Variants in CEPT1 observed in about 807,000 individuals in gnomAD.
CEPT1 encodes choline/ethanolamine phosphotransferase 1, also known as choline/ethanolaminephosphotransferase 1.
CEPT1 carries 7 observed loss-of-function variants against 42.6 expected under a neutral mutation model. The ratio of observed to expected loss-of-function variants is 0.16; its 90% CI spans 0.09 to 0.31. The LOEUF is 0.31. Ranked by LOEUF, CEPT1 falls within the 10% of genes least tolerant of loss-of-function variation. CEPT1 has a pLI of 1.00. For missense variants in CEPT1, 306 were observed against 502.1 expected (o/e 0.61, Z 3.73); for synonymous variants, 171 against 171.9 (o/e 0.99, Z 0.04).
chr1:111,153,364 A>G (rs1655389276), intron 2 of CEPT1, among the ~76,000 whole-genome samples: 1 of 152,150 alleles, frequency 6.6e-6, no homozygotes, highest in South Asian at 2.1e-4. Flanking sequence ...ATACACCGCC[A>G]TACCTGGGTA....
At chr1:111,157,592 A>G (rs1445889896) in intron 2 of CEPT1, among the ~76,000 whole-genome samples, 2 of 152,394 alleles carry the variant, frequency 1.3e-5, no homozygotes, top group East Asian at 3.8e-4. Flanking sequence ...CCCAAAGTCC[A>G]GAAGACAGAG....
At position 111,159,537 on chromosome 1, in the gene CEPT1, A is replaced by AT. The variant is rs758011527; in HGVS notation, c.487+17dup. 27 of 1,601,934 alleles carry AT rather than the reference A, an allele frequency of 1.7e-5. No individual in the cohort carries two copies. The highest frequency in any genetic ancestry group is 3.5e-5 in the Admixed American group (2 of 56,668). On this transcript the variant is annotated intron_variant, in intron 3 of 8. Coordinates refer to ENST00000357172, the MANE Select transcript of CEPT1 (RefSeq NM_006090.5). Reference sequence around the variant, plus strand: ...GATTCACTATCAACAGGTATTGTTGATTTTTTTAATGTTATTGATTATTAA... The same window carrying AT: ...GATTCACTATCAACAGGTATTGTTGATTTTTTTTAATGTTATTGATTATTAA...
chr1:111,145,845 G>T (rs1475074930), intron 1 of CEPT1, among the ~76,000 whole-genome samples: 2 of 151,994 alleles, frequency 1.3e-5, no homozygotes, highest in Non-Finnish European at 2.9e-5. Context: ...ACCCCAGACA[G>T]GGGGGAACCT....
chr1:111,147,710 G>A lies in CEPT1; in HGVS notation c.-5G>A. The A allele has an allele frequency of 1.3e-6, 2 of 1,573,958 alleles. No homozygotes were observed. Among genetic ancestry groups the A allele is most frequent in the Middle Eastern group, 1.7e-4 (1 of 5,864 alleles). Reference sequence around the variant, plus strand: ...GTCTTTAAATATTAAAAAAAAACAAGATCCATGAGTGGGCATCGATCAACA... The same window carrying A: ...GTCTTTAAATATTAAAAAAAAACAAAATCCATGAGTGGGCATCGATCAACA... On this transcript the variant is annotated 5_prime_UTR_variant, in exon 2 of 9. Transcript: ENST00000357172.
In CEPT1 at chr1:111,148,016, T is replaced by C. The variant is rs1420234002; in HGVS notation, c.302T>C (p.Ile101Thr). 1 of 1,614,016 alleles carries C rather than the reference T, an allele frequency of 6.2e-7. No homozygotes were observed. Among genetic ancestry groups the C allele is most frequent in the Non-Finnish European group, 8.5e-7 (1 of 1,179,974 alleles). ...CTGTCAATAAACATCTGTACAACTA[T>C]TTTATTAGTCTTCTACTGCCCTACA... ...IGLSINICTTILLVFYCPTAT... is the reference protein window; with the variant it reads ...IGLSINICTTTLLVFYCPTAT... The change falls in exon 2 of 9, where the codon ATT becomes ACT. Residue 101 changes from isoleucine to threonine, a missense_variant. This residue lies in a region of CEPT1 where 253 missense variants were observed against 447.3 expected (regional missense o/e 0.57). Coordinates refer to ENST00000357172, the MANE Select transcript of CEPT1 (RefSeq NM_006090.5).
Position 111,183,729 on chromosome 1 carries a change from G to T in CEPT1, c.1131+142G>T, listed in dbSNP as rs573031783. The T allele has an allele frequency of 3.3e-6, 3 of 898,456 alleles. No individual in the cohort carries two copies. In the South Asian group the frequency reaches 5.0e-5, roughly 15 times the overall value. The allele number at this position is 898,456 out of a possible 1,614,324, so 55.7% of individuals were successfully genotyped here. A position where few individuals can be genotyped will look rare whatever the true frequency, so the allele number is the denominator to read the frequency against. On this transcript the variant is annotated intron_variant, in intron 8 of 8. Coordinates refer to ENST00000357172, the MANE Select transcript of CEPT1 (RefSeq NM_006090.5). ...CAGAAATCCACATAAATGGGGCTGT[G>T]TGAGAGTTCTATGGCTTTATATTTG...
At chr1:111,152,104 AAG>A (rs1405618270) in intron 2 of CEPT1, among the ~76,000 whole-genome samples, 1 of 152,214 alleles carries the variant, frequency 6.6e-6, no homozygotes, top group Non-Finnish European at 1.5e-5. Flanking sequence ...CATTATCAGA[AAG>A]AGTCGTGTCA....
intron 2 of CEPT1, among the ~76,000 whole-genome samples, chr1:111,156,126 A>G (rs1655557341): frequency 6.6e-6 from 1 of 152,162 alleles, no homozygotes; most frequent in South Asian, 2.1e-4. Context: ...TTTTCAAAAA[A>G]TGATTTACTT....
At chr1:111,181,455 G>C (rs1656982679) in intron 5 of CEPT1, 1 of 152,152 alleles carries the variant, frequency 6.6e-6, no homozygotes, top group Non-Finnish European at 1.5e-5. Context: ...AATCCACTCT[G>C]TCCCCCATAC....
At chr1:111,172,833 A>G (rs1656491349) in intron 4 of CEPT1, among the ~76,000 whole-genome samples, 1 of 152,210 alleles carries the variant, frequency 6.6e-6, no homozygotes, top group African/African-American at 2.4e-5. Context: ...TTAACTAACT[A>G]CCAACTGGTA....
At chr1:111,163,507 G>A (rs957366379) in intron 4 of CEPT1, among the ~76,000 whole-genome samples, 8 of 152,022 alleles carry the variant, frequency 5.3e-5, no homozygotes, top group African/African-American at 1.7e-4. Flanking sequence ...GCGCATGCCT[G>A]TAGGAGGATC....
chr1:111,170,347 GA>G (rs1421692573), intron 4 of CEPT1, among the ~76,000 whole-genome samples: 1 of 152,056 alleles, frequency 6.6e-6, no homozygotes, highest in Non-Finnish European at 1.5e-5. Flanking sequence ...AGTCTTCTCA[GA>G]AAGTCTGAAG....
intron 2 of CEPT1, among the ~76,000 whole-genome samples, chr1:111,158,496 A>T (rs567932178): frequency 6.6e-6 from 1 of 152,318 alleles, no homozygotes; most frequent in Admixed American, 6.5e-5. Flanking sequence ...ATCATTTCCT[A>T]GTGTTATTTA....
Position 111,182,044 on chromosome 1 carries a change from A to T in CEPT1, c.715-143A>T. ...ACTTGCTATATTGCTTATAATGAAG[A>T]GGAAAAGGACACTTTCATTACTTTA... On this transcript the variant is annotated intron_variant, in intron 5 of 8. Coordinates refer to ENST00000357172, the MANE Select transcript of CEPT1 (RefSeq NM_006090.5). 2 of 528,572 alleles carry T rather than the reference A, an allele frequency of 3.8e-6. 1 individual carries two copies. The highest frequency in any genetic ancestry group is 1.0e-3 in the Middle Eastern group (2 of 1,936). 32.7% of individuals were successfully genotyped at this position (528,572 alleles called of 1,614,324 possible).
intron 4 of CEPT1, among the ~76,000 whole-genome samples, chr1:111,166,628 G>A (rs1446285479): frequency 6.6e-6 from 1 of 152,184 alleles, no homozygotes; most frequent in Non-Finnish European, 1.5e-5. Flanking sequence ...GATAGCAGAG[G>A]TAGGAGTGTG....
chr1:111,179,538 G>A (rs1380757454), intron 5 of CEPT1: 1 of 152,212 alleles, frequency 6.6e-6, no homozygotes, highest in Non-Finnish European at 1.5e-5. Flanking sequence ...TTGAGGGAGA[G>A]AGAGAATGTG....
intron 2 of CEPT1, among the ~76,000 whole-genome samples, chr1:111,158,975 G>T (rs1365769098): frequency 7.4e-6 from 1 of 135,018 alleles, no homozygotes; most frequent in Non-Finnish European, 1.5e-5. Flanking sequence ...GTGCAGTGGC[G>T]CAATCTCGGC....
At chr1:111,148,540 C>A (rs2101242629) in intron 2 of CEPT1, among the ~76,000 whole-genome samples, 1 of 152,188 alleles carries the variant, frequency 6.6e-6, no homozygotes, top group Non-Finnish European at 1.5e-5. Context: ...ATGGCTTATT[C>A]TTCTAACAAC....
chr1:111,148,475 G>A (rs570450521), intron 2 of CEPT1, among the ~76,000 whole-genome samples: 3 of 151,858 alleles, frequency 2.0e-5, no homozygotes, highest in Non-Finnish European at 4.4e-5. Flanking sequence ...AGTGAGAAGT[G>A]TTAAATTTCC....
Sources: gnomAD v4.1 joint callset for allele counts (sites outside exome capture counted in the v4.1 genomes callset) on GRCh38, gnomAD v4.1.1 for gene constraint, gnomAD v4.1.1 regional missense constraint, MANE v1.5 for transcripts, NCBI Gene and HGNC (gene_info 2026-07-23, HGNC 2026-07-21) for gene names.